The following PPIL3 variants were observed in gnomAD, a reference collection of about 807,000 sequenced individuals.
PPIL3 encodes peptidyl-prolyl cis-trans isomerase-like 3.
Under a neutral mutation model 20.9 loss-of-function variants are expected in PPIL3, and 13 were observed. That is an observed-to-expected ratio of 0.62 (90% confidence interval 0.40 to 0.99). PPIL3 has a LOEUF of 0.99. Ranked by LOEUF, PPIL3 falls within the 50% of genes least tolerant of loss-of-function variation. PPIL3 has a pLI of 0.00. For synonymous variants in PPIL3, 71 were observed against 64.4 expected (o/e 1.10, Z -0.49); for missense variants, 170 against 195.2 (o/e 0.87, Z 0.77).
chr2:200,876,157 T>TA (rs1259755222), intron 6 of PPIL3, among the ~76,000 whole-genome samples: 1 of 149,376 alleles, frequency 6.7e-6, no homozygotes. Context: ...TTTTTTTTTT[T>TA]AAAGTAGCTG....
intron 2 of PPIL3, 80 bp downstream of exon 2, chr2:200,887,533 T>C: frequency 9.1e-7 from 1 of 1,100,632 alleles, no homozygotes; most frequent in Non-Finnish European, 1.4e-6. Flanking sequence ...GCAATTTCCA[T>C]GAACTTTTAT....
intron 1 of PPIL3, 101 bp downstream of exon 1, chr2:200,888,853 CCA>C (rs1491229240): frequency 6.6e-6 from 3 of 457,592 alleles, no homozygotes; most frequent in Non-Finnish European, 1.4e-5. Flanking sequence ...GCCTCGCCGC[CCA>C]CTGTTCACTC....
rs547288530 is a variant in PPIL3, at chr2:200,875,970, T to C, written c.359+949A>G. Among the ~76,000 whole-genome samples the C allele has an allele frequency of 1.3e-3, 195 of 152,248 alleles. 1 individual carries two copies. The highest frequency in any genetic ancestry group is 2.5e-3 in the Non-Finnish European group (169 of 68,008). On this transcript the variant is annotated intron_variant, in intron 6 of 6. Transcript: ENST00000392283. ...GATAAGAGCTGTGCTGCCAATATTA[T>C]GACAGAGGCGCCTAGAACACTGGTA...
chr2:200,873,195 CTTTT>C (rs533187117), intron 6 of PPIL3, among the ~76,000 whole-genome samples: 1 of 140,690 alleles, frequency 7.1e-6, no homozygotes, highest in African/African-American at 2.6e-5. Context: ...GTATTTCTTT[CTTTT>C]TTTTTTTTTT....
chr2:200,872,333 T>G (rs1386186889), intron 6 of PPIL3, among the ~76,000 whole-genome samples: 3 of 152,116 alleles, frequency 2.0e-5, no homozygotes, highest in Non-Finnish European at 2.9e-5. Context: ...TCTCGGGGTG[T>G]GTTACCCTCT....
At chr2:200,882,564 C>A in intron 3 of PPIL3, 129 bp from the exon 4 acceptor site, 2 of 688,432 alleles carry the variant, frequency 2.9e-6, no homozygotes, top group Non-Finnish European at 2.6e-6. Context: ...CTTTGGATGT[C>A]ATTTCCCTGC....
chr2:200,882,878 C>T (rs2039783733), intron 3 of PPIL3, among the ~76,000 whole-genome samples: 3 of 146,010 alleles, frequency 2.1e-5, no homozygotes, highest in Admixed American at 6.9e-5. Context: ...CCAGCCCGGG[C>T]GACAGAGACT....
At chr2:200,872,799 G>C (rs2039359462) in intron 6 of PPIL3, among the ~76,000 whole-genome samples, 1 of 151,956 alleles carries the variant, frequency 6.6e-6, no homozygotes, top group African/African-American at 2.4e-5. Context: ...CATGGAGAAA[G>C]TATGTAGATG....
chr2:200,883,349 C>T (rs1003322974), intron 3 of PPIL3, among the ~76,000 whole-genome samples: 2 of 151,740 alleles, frequency 1.3e-5, no homozygotes. Context: ...GCCCTCATAC[C>T]TTTGCATTTA....
At chr2:200,886,440 T>C (rs1372190022) in intron 2 of PPIL3, among the ~76,000 whole-genome samples, 1 of 152,024 alleles carries the variant, frequency 6.6e-6, no homozygotes, top group Non-Finnish European at 1.5e-5. Context: ...TTTTTTTTTT[T>C]TTTGAGGTGG....
chr2:200,878,559 T>G (rs986475735), intron 5 of PPIL3, among the ~76,000 whole-genome samples: 2 of 152,014 alleles, frequency 1.3e-5, no homozygotes, highest in African/African-American at 4.8e-5. Context: ...CTGGCTAATT[T>G]TTTAACTTTT....
At chr2:200,885,328 G>A (rs562214949) in intron 3 of PPIL3, 24 of 359,896 alleles carry the variant, frequency 6.7e-5, no homozygotes, top group Middle Eastern at 7.3e-4. Flanking sequence ...CCGAGATCGC[G>A]CCATTGTACT....
At chr2:200,875,542 A>C (rs954047898) in intron 6 of PPIL3, among the ~76,000 whole-genome samples, 2 of 151,830 alleles carry the variant, frequency 1.3e-5, no homozygotes, top group Non-Finnish European at 2.9e-5. Flanking sequence ...CTGGGATTAC[A>C]GGTGTGAGCC....
intron 3 of PPIL3, among the ~76,000 whole-genome samples, chr2:200,883,650 C>T (rs993331570): frequency 2.6e-5 from 4 of 151,994 alleles, no homozygotes; most frequent in Admixed American, 6.6e-5. Flanking sequence ...ACTTAATTTT[C>T]CTGCCCTGCT....
At chr2:200,885,471 G>C (rs2039897828) in intron 3 of PPIL3, 1 of 429,694 alleles carries the variant, frequency 2.3e-6, no homozygotes, top group Non-Finnish European at 4.1e-6. Context: ...AAAAGAAAAA[G>C]ATACTGGCTA....
rs60058146 is a variant in PPIL3, at chr2:200,871,931, A to G, written c.360-410T>C. Among the ~76,000 whole-genome samples the G allele has an allele frequency of 1.6e-3, 251 of 152,208 alleles. 9 individuals carry two copies. In the East Asian group the frequency reaches 0.046, roughly 28 times the overall value. On this transcript the variant is annotated intron_variant, in intron 6 of 6. Transcript: ENST00000392283. ...TCTCTGGGTATCCCACAACTTGATT[A>G]TTTTTTCAAAATTTTATTTAATTTT...
At chr2:200,888,521 C>CT (rs941527376) in intron 1 of PPIL3, 198 of 182,200 alleles carry the variant, frequency 1.1e-3, no homozygotes, top group South Asian at 1.3e-3. Context: ...ATGAACTTCT[C>CT]TTTTTTTTTC....
At chr2:200,874,198 C>CT (rs779294193) in intron 6 of PPIL3, among the ~76,000 whole-genome samples, 1 of 126,318 alleles carries the variant, frequency 7.9e-6, no homozygotes, top group Non-Finnish European at 1.6e-5. Context: ...GAGTGAGACT[C>CT]TGTCTCAAAA....
chr2:200,882,875 G>A (rs375756740), intron 3 of PPIL3, among the ~76,000 whole-genome samples: 4 of 150,182 alleles, frequency 2.7e-5, no homozygotes, highest in Non-Finnish European at 4.4e-5. Context: ...ACTCCAGCCC[G>A]GGCGACAGAG....
Sources: allele counts gnomAD v4.1 joint callset (sites outside exome capture counted in the v4.1 genomes callset), GRCh38; gene constraint gnomAD v4.1.1; transcripts MANE v1.5; gene names NCBI Gene and HGNC (gene_info 2026-07-23, HGNC 2026-07-21).